SCGN: variants seen among roughly 807,000 people sequenced by gnomAD.
SCGN encodes the protein secretagogin.
Under a neutral mutation model 39.7 loss-of-function variants are expected in SCGN, and 30 were observed. The ratio of observed to expected loss-of-function variants is 0.76; its 90% CI spans 0.57 to 1.03. The LOEUF (loss-of-function observed/expected upper bound fraction) is 1.03, where lower values mean the gene tolerates loss of function less well. SCGN is among the 50% of genes least tolerant of loss of function. The pLI, the probability that SCGN is intolerant of heterozygous loss-of-function variation, is 0.00. For missense variants in SCGN, 353 were observed against 349.4 expected, an observed-to-expected ratio of 1.01 and a Z score of -0.08; for synonymous variants, 106 against 114.1, an observed-to-expected ratio of 0.93 and a Z score of 0.45.
At chr6:25,685,764 T>G (rs141585018) in intron 7 of SCGN, among the ~76,000 whole-genome samples, 2 of 152,304 alleles carry the variant, frequency 1.3e-5, no homozygotes, top group African/African-American at 4.8e-5. Context: ...GTTTACCCTT[T>G]TAAAGTCAGA....
intron 2 of SCGN, 94 bp downstream of exon 2, chr6:25,653,546 A>ACC: frequency 1.2e-6 from 1 of 867,790 alleles, no homozygotes; most frequent in Admixed American, 2.1e-5. Context: ...ATTCCAACTC[A>ACC]CCTCCTTTCT....
rs1216216630 is a variant in SCGN at position 25,652,300 on chromosome 6, T to C, written c.-104T>C. 1.7e-5 allele frequency: 15 copies of C among 891,472 alleles called. No individual in the cohort carries two copies. The highest frequency in any genetic ancestry group is 2.6e-5 in the Non-Finnish European group (14 of 543,022). The allele number at this position is 891,472 out of a possible 1,614,324, so 55.2% of individuals were successfully genotyped here. ...CAACAGTTACTCAAAGCTAATCAGA[T>C]AGCGAAAGAAGCAGGAGAGCAAGTC... On this transcript the variant is annotated 5_prime_UTR_variant, in exon 1 of 11. Coordinates refer to ENST00000377961, the MANE Select transcript of SCGN (RefSeq NM_006998.4).
At chr6:25,684,479 C>G (rs1402755047) in intron 7 of SCGN, among the ~76,000 whole-genome samples, 1 of 152,040 alleles carries the variant, frequency 6.6e-6, no homozygotes, top group African/African-American at 2.4e-5. Context: ...AAAATGTGAA[C>G]TGTGGTAAGC....
chr6:25,653,356 ATTTATG>A lies in SCGN; in HGVS notation c.83-20_83-15del. The A allele has an allele frequency of 1.4e-6, 2 of 1,449,656 alleles. No individual in the cohort carries two copies. Among genetic ancestry groups the A allele is most frequent in the Non-Finnish European group, 1.9e-6 (2 of 1,034,222 alleles). 89.8% of individuals were successfully genotyped at this position (1,449,656 alleles called of 1,614,324 possible). ...CATGTGTTTTTTATATGTTAGTATT[ATTTATG>A]TTTATTTTCTCACATTTAGAAAAAG... On this transcript the variant is annotated intron_variant, in intron 1 of 10. Transcript: ENST00000377961.
intron 1 of SCGN, among the ~76,000 whole-genome samples, chr6:25,652,853 CACTTTT>C (rs1174328065): frequency 6.7e-6 from 1 of 149,408 alleles, no homozygotes; most frequent in African/African-American, 2.6e-5. Context: ...TAAATGGGCT[CACTTTT>C]ACGCAGTGAC....
At chr6:25,690,893 G>A (rs1759766219) in intron 9 of SCGN, among the ~76,000 whole-genome samples, 163 bp from the exon 10 acceptor site, 1 of 152,206 alleles carries the variant, frequency 6.6e-6, no homozygotes, top group Admixed American at 6.5e-5. Flanking sequence ...TAATTCATGT[G>A]GAACATTCAT....
Position 25,684,568 on chromosome 6 carries a change from G to A in SCGN, c.527+2562G>A, listed in dbSNP as rs200192901. Among the ~76,000 whole-genome samples, 11 of 152,184 alleles carry A rather than the reference G, an allele frequency of 7.2e-5. No individual in the cohort carries two copies. In the East Asian group the frequency reaches 2.1e-3, roughly 29 times the overall value. The stretch of plus-strand genomic sequence containing the variant: ...CCAGCACTGTGGGAGGCCGAGGCAG[G>A]TGCATCACTTGAGGTCAGAGTTTGA... On this transcript the variant is annotated intron_variant, in intron 7 of 10. Coordinates refer to ENST00000377961, the MANE Select transcript of SCGN (RefSeq NM_006998.4).
At chr6:25,658,405 T>C (rs115432384) in intron 2 of SCGN, among the ~76,000 whole-genome samples, 1,999 of 151,940 alleles carry the variant, frequency 0.013, 27 homozygotes, top group African/African-American at 0.036. Context: ...TATGAGTATG[T>C]TTGGTTGATG....
intron 4 of SCGN, among the ~76,000 whole-genome samples, chr6:25,665,616 C>G (rs1003991654): frequency 9.8e-5 from 15 of 152,316 alleles, no homozygotes; most frequent in South Asian, 8.3e-4. Flanking sequence ...AGTGTTACTG[C>G]TCTGTTGGTG....
chr6:25,653,348 T>G, intron 1 of SCGN, 34 bp from the exon 2 acceptor site: 1 of 1,339,854 alleles, frequency 7.5e-7, no homozygotes, highest in Non-Finnish European at 1.1e-6. Context: ...TTTTTATATG[T>G]TAGTATTATT....
intron 6 of SCGN, among the ~76,000 whole-genome samples, chr6:25,670,717 C>T (rs1315938681): frequency 1.3e-5 from 2 of 152,234 alleles, no homozygotes; most frequent in Non-Finnish European, 2.9e-5. Flanking sequence ...CTGTTCCCCT[C>T]ATGTCATCCT....
chr6:25,701,469 C>A lies in SCGN; in HGVS notation c.*134C>A. On this transcript the variant is annotated 3_prime_UTR_variant, in exon 11 of 11. Coordinates refer to ENST00000377961, the MANE Select transcript of SCGN (RefSeq NM_006998.4). Reference sequence around the variant, plus strand: ...TGCTATTCTTGGGCAAGAACAGGGACGCTAGGGCCTTCCTTCCACCGGCGT... The same window carrying A: ...TGCTATTCTTGGGCAAGAACAGGGAAGCTAGGGCCTTCCTTCCACCGGCGT... 1 of 1,049,306 alleles carries A rather than the reference C, an allele frequency of 9.5e-7. No individual in the cohort carries two copies. Among genetic ancestry groups the A allele is most frequent in the Non-Finnish European group, 1.4e-6 (1 of 724,142 alleles). 65.0% of individuals were successfully genotyped at this position (1,049,306 alleles called of 1,614,324 possible).
At chr6:25,669,127 T>C (rs1759453741) in intron 4 of SCGN, among the ~76,000 whole-genome samples, 2 of 119,120 alleles carry the variant, frequency 1.7e-5, no homozygotes, top group Non-Finnish European at 3.7e-5. Context: ...AAAAAAAAAA[T>C]CTGTTTTCAT....
intron 1 of SCGN, among the ~76,000 whole-genome samples, chr6:25,652,760 A>G (rs942014632): frequency 1.3e-5 from 2 of 152,108 alleles, no homozygotes; most frequent in Non-Finnish European, 2.9e-5. Flanking sequence ...ACATACATAT[A>G]TATTGTATAT....
chr6:25,670,999 G>A (rs1759490114), intron 6 of SCGN, among the ~76,000 whole-genome samples: 1 of 152,054 alleles, frequency 6.6e-6, no homozygotes, highest in South Asian at 2.1e-4. Context: ...TGCTGACAAA[G>A]CCTTAATTAC....
chr6:25,694,039 A>G (rs1047250101), intron 10 of SCGN, among the ~76,000 whole-genome samples: 1 of 152,240 alleles, frequency 6.6e-6, no homozygotes, highest in Non-Finnish European at 1.5e-5. Flanking sequence ...TACCATGGTA[A>G]TAAATTATTA....
At chr6:25,664,901 A>C in intron 3 of SCGN, 42 bp from the exon 4 acceptor site, 48 of 1,407,550 alleles carry the variant, frequency 3.4e-5, no homozygotes, top group Middle Eastern at 1.8e-4. Context: ...TGAAATGGAC[A>C]CTGGCCAGTG....
At chr6:25,696,125 GA>G (rs901796437) in intron 10 of SCGN, among the ~76,000 whole-genome samples, 4 of 152,170 alleles carry the variant, frequency 2.6e-5, no homozygotes, top group African/African-American at 9.7e-5. Context: ...TCTTGTTATT[GA>G]TAGATTCAGT....
At chr6:25,685,702 A>G (rs1281923032) in intron 7 of SCGN, among the ~76,000 whole-genome samples, 1 of 152,186 alleles carries the variant, frequency 6.6e-6, no homozygotes, top group East Asian at 1.9e-4. Context: ...TTTGCTTTCT[A>G]AAACAAAAAC....
Sources: gnomAD v4.1 joint callset for allele counts (sites outside exome capture counted in the v4.1 genomes callset) on GRCh38, gnomAD v4.1.1 for gene constraint, MANE v1.5 for transcripts, NCBI Gene and HGNC (gene_info 2026-07-23, HGNC 2026-07-21) for gene names.